The following MTMR7 variants were observed in gnomAD, a reference collection of about 807,000 sequenced individuals.
MTMR7 encodes myotubularin related protein 7.
In MTMR7, 76 loss-of-function variants were observed where a neutral mutation model predicts 81.2. The observed-to-expected ratio is 0.94, with a 90% CI of 0.78 to 1.13. MTMR7 has a LOEUF of 1.13. MTMR7 is among the 50% of genes most tolerant of loss of function. The probability of loss-of-function intolerance (pLI) is 0.00; values close to 1 mark genes in which losing one functional copy is unlikely to be tolerated. For synonymous variants in MTMR7, 372 were observed against 289.8 expected (o/e 1.28, Z -2.88); for missense variants, 1,044 against 820.0 (o/e 1.27, Z -3.34).
At chr8:17,305,398 T>A (rs1397442263) in intron 11 of MTMR7, among the ~76,000 whole-genome samples, 1 of 152,194 alleles carries the variant, frequency 6.6e-6, no homozygotes, top group African/African-American at 2.4e-5. Context: ...GCTTTCCCAA[T>A]TAAATTTGCA....
chr8:17,321,626 G>A (rs1435412406), intron 7 of MTMR7, among the ~76,000 whole-genome samples: 1 of 152,184 alleles, frequency 6.6e-6, no homozygotes, highest in Non-Finnish European at 1.5e-5. Context: ...GGGTTTGTTT[G>A]GATAAACTCA....
intron 4 of MTMR7, among the ~76,000 whole-genome samples, chr8:17,358,803 T>A: frequency 6.6e-6 from 1 of 152,256 alleles, no homozygotes; most frequent in South Asian, 2.1e-4. Flanking sequence ...ATTTTTCTTA[T>A]AAAATAATTT....
At chr8:17,374,993 G>A (rs1213595702) in intron 1 of MTMR7, among the ~76,000 whole-genome samples, 1 of 152,136 alleles carries the variant, frequency 6.6e-6, no homozygotes, top group Non-Finnish European at 1.5e-5. Flanking sequence ...GAAGGCTGCG[G>A]CAGGATAACT....
intron 3 of MTMR7, among the ~76,000 whole-genome samples, chr8:17,364,325 G>A (rs1469409709): frequency 1.3e-5 from 2 of 152,018 alleles, no homozygotes; most frequent in East Asian, 1.9e-4. Context: ...GAGCCACCGC[G>A]CCCGGTCAAA....
chr8:17,387,402 A>AC (rs140610498), intron 1 of MTMR7, among the ~76,000 whole-genome samples: 205 of 152,308 alleles, frequency 1.3e-3, no homozygotes, highest in African/African-American at 4.7e-3. Context: ...GTTTAGACAG[A>AC]CCCAGGGGAG....
chr8:17,405,936 A>C (rs1821570210), intron 1 of MTMR7, among the ~76,000 whole-genome samples: 1 of 152,182 alleles, frequency 6.6e-6, no homozygotes, highest in Non-Finnish European at 1.5e-5. Context: ...ATATGTAAAG[A>C]AAAATGTTAA....
chr8:17,378,170 G>A lies in MTMR7; in HGVS notation c.25-4930C>T, dbSNP rs569141141. 5.3e-5 allele frequency among the ~76,000 whole-genome samples: 8 copies of A among 152,134 alleles called. No homozygotes were observed. The East Asian group carries it at 1.5e-3, about 29-fold the overall frequency. On this transcript the variant is annotated intron_variant, in intron 1 of 13. Coordinates refer to ENST00000180173, the MANE Select transcript of MTMR7 (RefSeq NM_004686.5). ...GCAGGAAAGTCACATTCCAAAATTTGGCAATAGTTCCTACAGGTCCCAGAG... is the reference window on the plus strand; with the variant it reads ...GCAGGAAAGTCACATTCCAAAATTTAGCAATAGTTCCTACAGGTCCCAGAG...
intron 6 of MTMR7, among the ~76,000 whole-genome samples, chr8:17,332,306 T>TA (rs1819044088): frequency 6.6e-6 from 1 of 152,212 alleles, no homozygotes; most frequent in Non-Finnish European, 1.5e-5. Context: ...TAAAGACACA[T>TA]ATGTTCTTTG....
Position 17,377,704 on chromosome 8 carries a change from C to G in MTMR7, c.25-4464G>C, listed in dbSNP as rs187691093. Among the ~76,000 whole-genome samples, 15 of 152,074 alleles carry G rather than the reference C, an allele frequency of 9.9e-5. No homozygotes were observed. The East Asian group carries it at 2.9e-3, about 29-fold the overall frequency. On this transcript the variant is annotated intron_variant, in intron 1 of 13. Transcript: ENST00000180173. ...CCTCCAAGTATATCTCAGGTTTTAT[C>G]CTGTGAATATTATTCATAGTATCCT...
chr8:17,351,115 C>A (rs1324726980), intron 4 of MTMR7, among the ~76,000 whole-genome samples: 3 of 152,148 alleles, frequency 2.0e-5, no homozygotes, highest in Admixed American at 2.0e-4. Context: ...AGTCATTGCA[C>A]CAGACCAACA....
intron 4 of MTMR7, among the ~76,000 whole-genome samples, chr8:17,353,858 T>A (rs956895638): frequency 3.9e-5 from 6 of 152,206 alleles, no homozygotes; most frequent in Admixed American, 2.0e-4. Context: ...GCAAGGGGAA[T>A]CTTTTGGTAA....
At chr8:17,371,267 T>G in intron 2 of MTMR7, 68 bp from the exon 3 acceptor site, 1 of 1,508,572 alleles carries the variant, frequency 6.6e-7, no homozygotes, top group Non-Finnish European at 9.0e-7. Flanking sequence ...GGACTAACAT[T>G]TCTTTGTGGC....
intron 6 of MTMR7, among the ~76,000 whole-genome samples, chr8:17,334,765 A>G (rs1819173345): frequency 6.6e-6 from 1 of 152,248 alleles, no homozygotes; most frequent in Non-Finnish European, 1.5e-5. Flanking sequence ...AGGACTGGGC[A>G]AGAGCTGAGC....
intron 1 of MTMR7, among the ~76,000 whole-genome samples, chr8:17,391,125 C>T (rs6986534): frequency 6.6e-6 from 1 of 152,110 alleles, no homozygotes; most frequent in African/African-American, 2.4e-5. Flanking sequence ...GGTCAAGGGT[C>T]TACGAGGACG....
In MTMR7 at chr8:17,298,319, T is replaced by C. The variant is rs1816872984; in HGVS notation, c.*1543A>G. Reference sequence around the variant, plus strand: ...TGCTCAGCAGAGAATGCCCAAATTTTATATTCTGAAAGAATTAATTACACT... The same window carrying C: ...TGCTCAGCAGAGAATGCCCAAATTTCATATTCTGAAAGAATTAATTACACT... On this transcript the variant is annotated 3_prime_UTR_variant, in exon 14 of 14. Coordinates refer to ENST00000180173, the MANE Select transcript of MTMR7 (RefSeq NM_004686.5). 6.6e-6 allele frequency: 1 copy of C among 152,136 alleles called. No individual in the cohort carries two copies. Among genetic ancestry groups the C allele is most frequent in the Admixed American group, 6.5e-5 (1 of 15,274 alleles). 9.4% of individuals were successfully genotyped at this position (152,136 alleles called of 1,614,324 possible).
intron 6 of MTMR7, among the ~76,000 whole-genome samples, chr8:17,338,428 G>T (rs955287118): frequency 6.6e-6 from 1 of 152,120 alleles, no homozygotes; most frequent in South Asian, 2.1e-4. Flanking sequence ...GAAAAAAACA[G>T]GGTAAGAAAC....
At chr8:17,307,518 C>G (rs1178878826) in intron 10 of MTMR7, among the ~76,000 whole-genome samples, 1 of 152,108 alleles carries the variant, frequency 6.6e-6, no homozygotes, top group Non-Finnish European at 1.5e-5. Flanking sequence ...CCATTTGACC[C>G]AGCCATCCCA....
At chr8:17,335,204 G>T (rs1344266855) in intron 6 of MTMR7, among the ~76,000 whole-genome samples, 1 of 152,152 alleles carries the variant, frequency 6.6e-6, no homozygotes, top group Non-Finnish European at 1.5e-5. Context: ...CAGAGAGGAG[G>T]GACGGAGAAC....
chr8:17,300,317 G>T, intron 13 of MTMR7, 93 bp from the exon 14 acceptor site: 1 of 1,317,170 alleles, frequency 7.6e-7, no homozygotes, highest in Non-Finnish European at 1.0e-6. Flanking sequence ...CCTCCCACGT[G>T]GGTATAATGT....
Sources: allele counts gnomAD v4.1 joint callset (sites outside exome capture counted in the v4.1 genomes callset), GRCh38; gene constraint gnomAD v4.1.1; transcripts MANE v1.5; gene names NCBI Gene and HGNC (gene_info 2026-07-23, HGNC 2026-07-21).